Variants in NCALD observed in about 807,000 individuals in gnomAD.
NCALD encodes neurocalcin-delta.
Under a neutral mutation model 18.6 loss-of-function variants are expected in NCALD, and 10 were observed. The observed-to-expected ratio is 0.54, with a 90% CI of 0.33 to 0.91. NCALD has a LOEUF of 0.91. Among genes scored for constraint, NCALD ranks in the 40% least tolerant of loss-of-function variants. The pLI is 0.03. For synonymous variants in NCALD, 88 were observed against 87.4 expected (o/e 1.01, Z -0.04); for missense variants, 184 against 247.6 (o/e 0.74, Z 1.72).
At chr8:102,117,173 C>G (rs1825814443) in intron 1 of NCALD, among the ~76,000 whole-genome samples, 1 of 152,180 alleles carries the variant, frequency 6.6e-6, no homozygotes, top group South Asian at 2.1e-4. Flanking sequence ...TGCATTCAAC[C>G]ACCATTTTGT....
chr8:101,947,879 C>T (rs933475956), intron 2 of NCALD, among the ~76,000 whole-genome samples: 6 of 152,252 alleles, frequency 3.9e-5, no homozygotes, highest in Non-Finnish European at 7.4e-5. Context: ...AACAGCTTCA[C>T]GTGCAAAGGT....
At chr8:101,903,653 CCT>C (rs1270733499) in intron 3 of NCALD, among the ~76,000 whole-genome samples, 18 of 152,164 alleles carry the variant, frequency 1.2e-4, no homozygotes, top group Admixed American at 9.8e-4. Context: ...CCCTGAAATA[CCT>C]CTCTCAGCCT....
chr8:101,781,701 G>C (rs546329423), intron 1 of NCALD, among the ~76,000 whole-genome samples: 9 of 152,246 alleles, frequency 5.9e-5, no homozygotes, highest in Admixed American at 5.2e-4. Flanking sequence ...TGTGCTACTA[G>C]AGTGAAATTA....
intron 2 of NCALD, among the ~76,000 whole-genome samples, chr8:101,998,530 C>T (rs528173489): frequency 1.1e-4 from 16 of 152,262 alleles, no homozygotes; most frequent in Admixed American, 5.9e-4. Flanking sequence ...CTACCCTCTC[C>T]ACTTCTCTGC....
chr8:102,087,444 G>A (rs1587055632), intron 1 of NCALD, among the ~76,000 whole-genome samples: 1 of 152,212 alleles, frequency 6.6e-6, no homozygotes, highest in East Asian at 1.9e-4. Context: ...GTAAAGGATG[G>A]GATTGGGTTA....
intron 1 of NCALD, among the ~76,000 whole-genome samples, chr8:102,072,159 CAT>C (rs1824197408): frequency 6.6e-6 from 1 of 152,100 alleles, no homozygotes; most frequent in African/African-American, 2.4e-5. Flanking sequence ...AGAAATTAAA[CAT>C]ATGAAAAGGC....
chr8:101,898,379 TTTG>T (rs1426679099), intron 3 of NCALD, among the ~76,000 whole-genome samples: 1 of 151,980 alleles, frequency 6.6e-6, no homozygotes, highest in East Asian at 1.9e-4. Context: ...TCATTGGATT[TTTG>T]TTTTTTTAAA....
chr8:101,993,472 G>C (rs1159394207), intron 2 of NCALD, among the ~76,000 whole-genome samples: 1 of 152,194 alleles, frequency 6.6e-6, no homozygotes, highest in Non-Finnish European at 1.5e-5. Flanking sequence ...AGTAGGACCT[G>C]GAGTTTCAGT....
At position 101,692,475 on chromosome 8, in the gene NCALD, C is replaced by G. The variant is rs151317307; in HGVS notation, c.484+316G>C. On this transcript the variant is annotated intron_variant, in intron 3 of 3. Coordinates refer to ENST00000220931, the MANE Select transcript of NCALD (RefSeq NM_032041.3). ...GGACCCAGCCTGCTATAGCCTAGGC[C>G]TGTCCCAAGGATGGGTCTGTGCTAA... The G allele has an allele frequency of 7.8e-4, 773 of 985,460 alleles. 2 individuals carry two copies. The highest frequency in any genetic ancestry group is 2.6e-3 in the Middle Eastern group (5 of 1,914). The allele number at this position is 985,460 out of a possible 1,614,324, so 61.0% of individuals were successfully genotyped here.
upstream of NCALD, among the ~76,000 whole-genome samples, chr8:101,795,882 A>G (rs191816787): frequency 6.6e-6 from 1 of 152,340 alleles, no homozygotes; most frequent in East Asian, 1.9e-4. Context: ...AGATATTCCA[A>G]CAATCTGTAC....
chr8:102,066,577 A>G (rs2132277621), intron 1 of NCALD, among the ~76,000 whole-genome samples: 1 of 152,342 alleles, frequency 6.6e-6, no homozygotes, highest in South Asian at 2.1e-4. Context: ...TAGCTTTAAA[A>G]GAATACAACT....
chr8:101,845,177 T>G (rs1005603384), intron 4 of NCALD, among the ~76,000 whole-genome samples: 2 of 152,228 alleles, frequency 1.3e-5, no homozygotes, highest in African/African-American at 4.8e-5. Context: ...CTAATTTCTT[T>G]GAGAAAGTCT....
At chr8:102,044,615 C>T (rs1460717128) in intron 1 of NCALD, among the ~76,000 whole-genome samples, 2 of 152,238 alleles carry the variant, frequency 1.3e-5, no homozygotes, top group Admixed American at 6.5e-5. Context: ...TTAGATAATA[C>T]ATTCCCCAAA....
intron 2 of NCALD, among the ~76,000 whole-genome samples, chr8:101,921,677 G>T (rs1818170452): frequency 6.6e-6 from 1 of 152,108 alleles, no homozygotes; most frequent in South Asian, 2.1e-4. Context: ...TTGAACCTTG[G>T]AATGTTCCAC....
intron 2 of NCALD, among the ~76,000 whole-genome samples, chr8:102,003,931 G>C (rs1821590134): frequency 6.6e-6 from 1 of 151,302 alleles, no homozygotes; most frequent in Non-Finnish European, 1.5e-5. Flanking sequence ...CATACTGAAT[G>C]GGCAAAAACT....
chr8:101,974,166 T>C (rs978230944), intron 2 of NCALD, among the ~76,000 whole-genome samples: 2 of 152,208 alleles, frequency 1.3e-5, no homozygotes, highest in Admixed American at 1.3e-4. Context: ...TTCCTTGATA[T>C]AATTAATTTC....
At chr8:101,888,068 C>T (rs1415033244) in intron 3 of NCALD, among the ~76,000 whole-genome samples, 1 of 152,166 alleles carries the variant, frequency 6.6e-6, no homozygotes, top group Non-Finnish European at 1.5e-5. Flanking sequence ...ATTCTGAGGG[C>T]CCATTGCTGA....
chr8:101,887,330 C>A (rs1356020389), intron 3 of NCALD: 1 of 152,148 alleles, frequency 6.6e-6, no homozygotes, highest in Non-Finnish European at 1.5e-5. Flanking sequence ...GTTGCCTTTG[C>A]AAACAGGAAA....
chr8:102,018,031 T>A (rs1822148083), intron 2 of NCALD, among the ~76,000 whole-genome samples: 1 of 152,118 alleles, frequency 6.6e-6, no homozygotes, highest in Non-Finnish European at 1.5e-5. Context: ...AAAGCTACGA[T>A]GAGATAATGT....
Sources: allele counts gnomAD v4.1 joint callset (sites outside exome capture counted in the v4.1 genomes callset), GRCh38; gene constraint gnomAD v4.1.1; transcripts MANE v1.5; gene names NCBI Gene and HGNC (gene_info 2026-07-23, HGNC 2026-07-21).